SIGLEC12: variants seen among roughly 807,000 people sequenced by gnomAD.
The protein encoded by SIGLEC12 is sialic acid-binding Ig-like lectin 12.
Under a neutral mutation model 54.1 loss-of-function variants are expected in SIGLEC12, and 43 were observed. That is an observed-to-expected ratio of 0.80 (90% CI 0.62 to 1.03). SIGLEC12 has a LOEUF of 1.03. Ranked by LOEUF, SIGLEC12 falls within the 50% of genes least tolerant of loss-of-function variation. The probability of loss-of-function intolerance (pLI) is 0.00; values close to 1 mark genes in which losing one functional copy is unlikely to be tolerated. For synonymous variants in SIGLEC12, 357 were observed against 307.6 expected (o/e 1.16, Z -1.68); for missense variants, 802 against 735.2 (o/e 1.09, Z -1.05).
chr19:51,500,363 G>T (rs1173978040), intron 1 of SIGLEC12, 63 bp from the exon 2 acceptor site: 40 of 1,613,316 alleles, frequency 2.5e-5, no homozygotes, highest in Non-Finnish European at 3.3e-5. Flanking sequence ...CCATAGCAGG[G>T]GCAGCAGCAT....
intron 3 of SIGLEC12, 85 bp from the exon 4 acceptor site, chr19:51,499,302 A>G (rs1238371654): frequency 1.5e-5 from 23 of 1,576,570 alleles, no homozygotes; most frequent in Non-Finnish European, 1.9e-5. Context: ...TAAATGGGGA[A>G]GGTGGAGCCA....
Position 51,496,044 on chromosome 19 carries a change from C to T in SIGLEC12, c.1599+836G>A, listed in dbSNP as rs78635222. Reference sequence around the variant, plus strand: ...GAGCAGAGGCAGGAGTGGCTGGAGGCGGGGCTGGGATTGGAGCAAAGCCAG... The same window carrying T: ...GAGCAGAGGCAGGAGTGGCTGGAGGTGGGGCTGGGATTGGAGCAAAGCCAG... On this transcript the variant is annotated intron_variant, in intron 7 of 7. Coordinates refer to ENST00000291707, the MANE Select transcript of SIGLEC12 (RefSeq NM_053003.4). Among the ~76,000 whole-genome samples the T allele has an allele frequency of 3.0e-3, 456 of 152,174 alleles. 2 individuals carry two copies. Among genetic ancestry groups the T allele is most frequent in the East Asian group, 0.025 (130 of 5,190 alleles).
intron 7 of SIGLEC12, among the ~76,000 whole-genome samples, chr19:51,495,205 ACGGG>A (rs1406016296): frequency 7.0e-4 from 66 of 94,776 alleles, no homozygotes; most frequent in African/African-American, 2.4e-3. Context: ...GGATGGACGG[ACGGG>A]TGGGTGGGTG....
At chr19:51,499,138 C>G in intron 4 of SIGLEC12, 32 bp downstream of exon 4, 1 of 1,612,922 alleles carries the variant, frequency 6.2e-7, no homozygotes, top group Non-Finnish European at 8.5e-7. Context: ...AGGCTCTGCT[C>G]CTCCAGCCCC....
intron 4 of SIGLEC12, among the ~76,000 whole-genome samples, chr19:51,498,665 T>A (rs1488614061): frequency 6.6e-6 from 1 of 152,186 alleles, no homozygotes; most frequent in Admixed American, 6.5e-5. Flanking sequence ...GACAGTGGAA[T>A]GACACACAGC....
intron 7 of SIGLEC12, among the ~76,000 whole-genome samples, chr19:51,495,398 T>TGGACGGAC (rs1412892242): frequency 2.2e-5 from 1 of 44,976 alleles, no homozygotes; most frequent in Non-Finnish European, 4.1e-5. Flanking sequence ...GATGGATGGA[T>TGGACGGAC]GGGTGGGTGG....
At chr19:51,496,217 C>G (rs560210854) in intron 7 of SIGLEC12, among the ~76,000 whole-genome samples, 1 of 152,352 alleles carries the variant, frequency 6.6e-6, no homozygotes, top group East Asian at 1.9e-4. Flanking sequence ...CGCCTATAAT[C>G]CCAGCACTTT....
intron 7 of SIGLEC12, among the ~76,000 whole-genome samples, chr19:51,493,135 A>G (rs1402306946): frequency 2.0e-5 from 3 of 152,202 alleles, no homozygotes; most frequent in South Asian, 2.1e-4. Context: ...CAAGGTCACC[A>G]TGACCACTGC....
At position 51,501,315 on chromosome 19, in the gene SIGLEC12, T is replaced by G; in HGVS notation, c.419A>C (p.Asn140Thr). ...WNYKYDQLSV[N>T]VTASQDLLSR... Reference sequence around the variant, plus strand: ...TGGAGCCCGTGCCTTACCTGTCACATTCACAGAGAGCTGGTCATATTTATA... The same window carrying G: ...TGGAGCCCGTGCCTTACCTGTCACAGTCACAGAGAGCTGGTCATATTTATA... The change falls in exon 1 of 8, where the codon AAT becomes ACT. Residue 140 changes from asparagine (N) to threonine (T), a missense_variant. Physicochemically the swap from Asn to Thr is moderately conservative, Grantham distance 65. Coordinates refer to ENST00000291707, the MANE Select transcript of SIGLEC12 (RefSeq NM_053003.4). 2 of 1,614,154 alleles carry G rather than the reference T, an allele frequency of 1.2e-6. No homozygotes were observed. The highest frequency in any genetic ancestry group is 8.5e-7 in the Non-Finnish European group (1 of 1,179,978).
Position 51,491,384 on chromosome 19 carries a change from A to T in SIGLEC12, c.*257T>A, listed in dbSNP as rs540914831. On this transcript the variant is annotated 3_prime_UTR_variant, in exon 8 of 8. Coordinates refer to ENST00000291707, the MANE Select transcript of SIGLEC12 (RefSeq NM_053003.4). ...CACTCTACGATCTCACTATATTTGG[A>T]ACCTAAAATAGTCGACCTCAGAGAA... 206 of 477,578 alleles carry T rather than the reference A, an allele frequency of 4.3e-4. 2 individuals carry two copies. The South Asian group carries it at 4.9e-3, about 11-fold the overall frequency. 29.6% of individuals were successfully genotyped at this position (477,578 alleles called of 1,614,324 possible).
Position 51,497,418 on chromosome 19 carries a change from G to A in SIGLEC12, c.1433C>T (p.Thr478Met), listed in dbSNP as rs3829658. ...TGKMRPISGVTLGAFGGAGAT... is the reference protein window; with the variant it reads ...TGKMRPISGVMLGAFGGAGAT... ...TCCAGCTCCCCCGAATGCCCCTAGC[G>A]TCACTCCTGATATAGGCCTCATTTT... is the stretch of plus-strand genomic sequence containing the variant. Residue 478 changes from threonine (T) to methionine (M), a missense_variant, in exon 6 of 8, where the codon ACG becomes ATG. Coordinates refer to ENST00000291707, the MANE Select transcript of SIGLEC12 (RefSeq NM_053003.4). The A allele has an allele frequency of 0.66, 1,063,164 of 1,610,616 alleles. 353,752 individuals carry two copies. The highest frequency in any genetic ancestry group is 0.79 in the Admixed American group (47,171 of 59,932).
chr19:51,499,061 G>C, intron 4 of SIGLEC12, 109 bp downstream of exon 4: 1 of 1,135,036 alleles, frequency 8.8e-7, no homozygotes, highest in Admixed American at 1.8e-5. Context: ...AGGGAGGGGG[G>C]GGCCGGGGCT....
chr19:51,496,916 C>T lies in SIGLEC12; in HGVS notation c.1563G>A (p.Met521Ile), dbSNP rs758515356. The T allele has an allele frequency of 2.4e-5, 39 of 1,613,852 alleles. No homozygotes were observed. In the Admixed American group the frequency reaches 5.0e-4, roughly 21 times the overall value. ...RPAVGVGDTG[M>I]EDANAVRGSA... is the part of the protein sequence containing the mutation. ...AGCCCCTGACAGCGTTTGCGTCCTC[C>T]ATGCCTGTATCCCCCACGCCCACTG... Residue 521 changes from methionine to isoleucine, a missense_variant, in exon 7 of 8, where the codon ATG (methionine) becomes ATA (isoleucine). By Grantham distance (10) the Met-to-Ile change is conservative. Transcript: ENST00000291707.
Position 51,500,456 on chromosome 19 carries a change from G to C in SIGLEC12, c.428-156C>G, listed in dbSNP as rs946112644. 5.0e-6 allele frequency: 7 copies of C among 1,393,206 alleles called. No individual in the cohort carries two copies. In the East Asian group the frequency reaches 9.9e-5, roughly 20 times the overall value. The allele number at this position is 1,393,206 out of a possible 1,614,324, so 86.3% of individuals were successfully genotyped here. A position where few individuals can be genotyped will look rare whatever the true frequency, so the allele number is the denominator to read the frequency against. The stretch of plus-strand genomic sequence containing the variant: ...AGGGGCAGGGCTGTGGGACCCACAG[G>C]GGGCTGGAGAGGAGCTGGAGACCTC... On this transcript the variant is annotated intron_variant, in intron 1 of 7. Transcript: ENST00000291707.
intron 1 of SIGLEC12, 27 bp from the exon 2 acceptor site, chr19:51,500,327 C>G: frequency 6.2e-7 from 1 of 1,614,070 alleles, no homozygotes. Context: ...GTCAGCCCAG[C>G]CCCCACTGTC....
Position 51,500,007 on chromosome 19 carries a change from C to A in SIGLEC12, c.721G>T (p.Gly241Trp), listed in dbSNP as rs765838298. 3.7e-5 allele frequency: 60 copies of A among 1,614,060 alleles called. No individual in the cohort carries two copies. The highest frequency in any genetic ancestry group is 8.0e-5 in the African/African-American group (6 of 74,922). Residue 241 changes from glycine (G) to tryptophan (W), a missense_variant, in exon 2 of 8, where the codon GGG becomes TGG. Gly to Trp is a radical substitution (Grantham distance 184). Transcript: ENST00000291707. ...CSLSIRDARK[G>W]DSGKYYFQVE... is the part of the protein sequence containing the mutation. The stretch of plus-strand genomic sequence containing the variant: ...TGGAAGTAGTACTTCCCTGAATCCC[C>A]CTTCCTGGCATCTCTGATGCTCAGG...
intron 7 of SIGLEC12, among the ~76,000 whole-genome samples, chr19:51,495,169 GTGGATGGA>G (rs747328721): frequency 0.058 from 5,743 of 99,600 alleles, 336 homozygotes; most frequent in Middle Eastern, 0.13. Flanking sequence ...GGGTGGGTGG[GTGGATGGA>G]TGGATGGATG....
chr19:51,495,430 T>A (rs1326899458), intron 7 of SIGLEC12, among the ~76,000 whole-genome samples: 7 of 146,486 alleles, frequency 4.8e-5, no homozygotes, highest in African/African-American at 1.8e-4. Flanking sequence ...GATGGATGGA[T>A]GGATGGATGG....
In SIGLEC12 at chr19:51,491,777, G is replaced by T; in HGVS notation, c.1652C>A (p.Pro551Gln). The T allele has an allele frequency of 3.1e-6, 5 of 1,607,126 alleles. No homozygotes were observed. The highest frequency in any genetic ancestry group is 4.3e-6 in the Non-Finnish European group (5 of 1,176,450). Residue 551 changes from proline (P) to glutamine (Q), a missense_variant, in exon 8 of 8, where the codon CCA becomes CAA. Transcript: ENST00000291707. Reference sequence around the variant, plus strand: ...CTCTGGGGAGGGGGTGGCCAGGGCTGGCGGAGCATGGTGTGGGGGGCTGTC... The same window carrying T: ...CTCTGGGGAGGGGGTGGCCAGGGCTTGCGGAGCATGGTGTGGGGGGCTGTC... Reference protein sequence around the residue: ...ADDSPPHHAPPALATPSPEEG... With the variant: ...ADDSPPHHAPQALATPSPEEG...
Sources: gnomAD v4.1 joint callset for allele counts (sites outside exome capture counted in the v4.1 genomes callset) on GRCh38, gnomAD v4.1.1 for gene constraint, MANE v1.5 for transcripts, NCBI Gene and HGNC (gene_info 2026-07-23, HGNC 2026-07-21) for gene names.